Variants in LCT observed in about 807,000 individuals in gnomAD.
LCT encodes the protein lactase/phlorizin hydrolase.
Under a neutral mutation model 173.0 loss-of-function variants are expected in LCT, and 90 were observed. That is an observed-to-expected ratio of 0.52 (90% CI 0.44 to 0.62). LCT has a LOEUF of 0.62. LCT is among the 20% of genes least tolerant of loss of function. The pLI, the probability that LCT is intolerant of heterozygous loss-of-function variation, is 0.00. For missense variants in LCT, 1,864 were observed against 2,431.4 expected, an observed-to-expected ratio of 0.77 and a Z score of 4.91; for synonymous variants, 853 against 957.6, an observed-to-expected ratio of 0.89 and a Z score of 2.02.
chr2:135,836,019 T>TATATATATAC (rs1444886921), intron 1 of LCT, among the ~76,000 whole-genome samples: 10 of 110,460 alleles, frequency 9.1e-5, no homozygotes, highest in African/African-American at 3.2e-4. Context: ...TATATATGTA[T>TATATATATAC]ACATATTTTT....
chr2:135,823,806 C>T (rs1558743720), intron 4 of LCT, 95 bp downstream of exon 4: 2 of 830,256 alleles, frequency 2.4e-6, no homozygotes, highest in Non-Finnish European at 4.1e-6. Flanking sequence ...TCCCATGCTC[C>T]TCCTCCCATT....
rs1167163657 is a variant in LCT, at chr2:135,812,962, G to A, written c.1708-6C>T. On this transcript the variant is annotated splice_polypyrimidine_tract_variant and splice_region_variant and intron_variant, in intron 6 of 16. Coordinates refer to ENST00000264162, the MANE Select transcript of LCT (RefSeq NM_002299.4). Reference sequence around the variant, plus strand: ...TTGAGGACCAAGTGAGCCACCTTGTGAAAAAGTAAGAAGGAAATACAGTGA... The same window carrying A: ...TTGAGGACCAAGTGAGCCACCTTGTAAAAAAGTAAGAAGGAAATACAGTGA... 1 of 1,613,172 alleles carries A rather than the reference G, an allele frequency of 6.2e-7. No homozygotes were observed. The highest frequency in any genetic ancestry group is 8.5e-7 in the Non-Finnish European group (1 of 1,179,470).
chr2:135,814,577 C>T (rs1227114387), intron 6 of LCT, among the ~76,000 whole-genome samples: 8 of 150,410 alleles, frequency 5.3e-5, no homozygotes, highest in East Asian at 1.9e-4. Flanking sequence ...AGTGCAGTGG[C>T]GCAATCTCGG....
chr2:135,819,271 C>T (rs1558742118), intron 5 of LCT, among the ~76,000 whole-genome samples: 1 of 152,278 alleles, frequency 6.6e-6, no homozygotes, highest in Admixed American at 6.5e-5. Context: ...TTATTCTAGT[C>T]CATTTTCCTC....
chr2:135,797,735 G>A (rs1248223684), intron 13 of LCT, among the ~76,000 whole-genome samples: 3 of 152,134 alleles, frequency 2.0e-5, no homozygotes, highest in Non-Finnish European at 4.4e-5. Context: ...TCACACGTGC[G>A]GTGATGAAAT....
At chr2:135,825,905 G>A (rs1479509476) in intron 3 of LCT, among the ~76,000 whole-genome samples, 1 of 152,186 alleles carries the variant, frequency 6.6e-6, no homozygotes, top group Admixed American at 6.5e-5. Flanking sequence ...GGGAAGGTGG[G>A]CAGCACGATT....
chr2:135,793,254 G>C (rs1223144017), intron 14 of LCT, among the ~76,000 whole-genome samples: 1 of 152,216 alleles, frequency 6.6e-6, no homozygotes, highest in Non-Finnish European at 1.5e-5. Context: ...GCAGGTGCTG[G>C]TATCCATGGC....
intron 6 of LCT, among the ~76,000 whole-genome samples, chr2:135,816,724 C>T (rs1024144461): frequency 2.6e-5 from 4 of 152,212 alleles, no homozygotes; most frequent in Admixed American, 2.0e-4. Context: ...CTGACTTCCA[C>T]CTGGCTACTC....
intron 8 of LCT, among the ~76,000 whole-genome samples, chr2:135,807,891 G>A (rs953731152): frequency 2.0e-5 from 3 of 151,914 alleles, no homozygotes; most frequent in Admixed American, 2.0e-4. Context: ...ACTTTGGGAG[G>A]CAAAGGCAGG....
At position 135,826,661 on chromosome 2, in the gene LCT, C is replaced by T. The variant is rs191646237; in HGVS notation, c.805-2658G>A. ...GTGCCTCTGCTGCCTGTCAGAGGCA[C>T]GCCACCTCCGCACAACAGAGATGGT... On this transcript the variant is annotated intron_variant, in intron 3 of 16. Coordinates refer to ENST00000264162, the MANE Select transcript of LCT (RefSeq NM_002299.4). Among the ~76,000 whole-genome samples, 517 of 152,266 alleles carry T rather than the reference C, an allele frequency of 3.4e-3. 5 individuals are homozygous for T. The highest frequency in any genetic ancestry group is 6.8e-3 in the South Asian group (33 of 4,832).
intron 3 of LCT, among the ~76,000 whole-genome samples, chr2:135,826,369 C>T (rs1217385353): frequency 7.3e-6 from 1 of 137,554 alleles, no homozygotes; most frequent in Admixed American, 7.8e-5. Flanking sequence ...CCAGCCTAGC[C>T]AACATGGTGA....
At chr2:135,822,125 CTA>C (rs1304410059) in intron 4 of LCT, 27 bp from the exon 5 acceptor site, 1 of 1,322,556 alleles carries the variant, frequency 7.6e-7, no homozygotes, top group South Asian at 1.2e-5. Flanking sequence ...TGAATTAACT[CTA>C]TGTAAATGCC....
Position 135,790,653 on chromosome 2 carries a change from C to G in LCT, c.5335+5G>C. On this transcript the variant is annotated splice_donor_5th_base_variant and intron_variant, in intron 15 of 16. Transcript: ENST00000264162. The surrounding 1 kb of genome is among the most constrained non-coding windows in gnomAD (Gnocchi z 4.1). ...GCACGCTGGGGAAGGGCGGGCCCGT[C>G]GTACCTTTGAGGGCCTCATTGATGT... is the stretch of plus-strand genomic sequence containing the variant. 1 of 1,590,604 alleles carries G rather than the reference C, an allele frequency of 6.3e-7. No homozygotes were observed. Among genetic ancestry groups the G allele is most frequent in the Admixed American group, 1.7e-5 (1 of 59,994 alleles).
At chr2:135,815,245 T>C (rs1417991931) in intron 6 of LCT, among the ~76,000 whole-genome samples, 1 of 152,198 alleles carries the variant, frequency 6.6e-6, no homozygotes. Flanking sequence ...AACATTGAAC[T>C]AATAAATAAA....
rs753963941 is a variant in LCT at position 135,837,141 on chromosome 2, A to G, written c.29T>C (p.Ile10Thr). 7.4e-6 allele frequency: 12 copies of G among 1,613,760 alleles called. No homozygotes were observed. The highest frequency in any genetic ancestry group is 3.3e-4 in the Middle Eastern group (2 of 6,084). Residue 10 changes from isoleucine to threonine, a missense_variant, in exon 1 of 17, where the codon ATT (isoleucine) becomes ACT (threonine). Ile to Thr is a moderately conservative substitution (Grantham distance 89, BLOSUM62 -1). Transcript: ENST00000264162. MELSWHVVF[I>T]ALLSFSCWGS... ...CCAGCATGAAAAACTTAGCAGGGCA[A>G]TAAAGACTACATGCCAAGACAGCTC...
chr2:135,817,784 C>T lies in LCT; in HGVS notation c.1264G>A (p.Gly422Ser). 1.2e-6 allele frequency: 2 copies of T among 1,613,964 alleles called. No homozygotes were observed. The highest frequency in any genetic ancestry group is 1.7e-6 in the Non-Finnish European group (2 of 1,180,028). The change falls in exon 6 of 17, where the codon GGC (glycine) becomes AGC (serine). Residue 422 changes from glycine (G) to serine (S), a missense_variant. Physicochemically the swap from Gly to Ser is moderately conservative, Grantham distance 56. This residue lies in a region of LCT where 183 missense variants were observed against 293.1 expected (regional missense o/e 0.62). Coordinates refer to ENST00000264162, the MANE Select transcript of LCT (RefSeq NM_002299.4). ...CTGGCCACCTCCAGCGTCGCTTGGC[C>T]CTCAGTGGTGTTCAGGGGCCTGCGT... is the stretch of plus-strand genomic sequence containing the variant. ...DPRRPLNTTE[G>S]QATLEVASDS...
chr2:135,825,566 C>T (rs2077881705), intron 3 of LCT, among the ~76,000 whole-genome samples: 1 of 152,328 alleles, frequency 6.6e-6, no homozygotes, highest in African/African-American at 2.4e-5. Flanking sequence ...CGGAGAACTC[C>T]CTGGGAGCAC....
chr2:135,821,671 G>T, intron 5 of LCT: 1 of 291,850 alleles, frequency 3.4e-6, no homozygotes, highest in Non-Finnish European at 6.5e-6. Context: ...GTAATTTTTT[G>T]TAGAGACAGA....
intron 14 of LCT, among the ~76,000 whole-genome samples, chr2:135,792,716 C>T (rs1477172652): frequency 2.6e-5 from 4 of 152,208 alleles, no homozygotes; most frequent in African/African-American, 9.6e-5. Context: ...GCCCCCTATT[C>T]CCCCACAGTG....
Sources: allele counts gnomAD v4.1 joint callset (sites outside exome capture counted in the v4.1 genomes callset), GRCh38; gene constraint gnomAD v4.1.1; regional missense constraint gnomAD v4.1.1; non-coding constraint Gnocchi (gnomAD v3.1); transcripts MANE v1.5; gene names NCBI Gene and HGNC (gene_info 2026-07-23, HGNC 2026-07-21).